SDK2: variants seen among roughly 807,000 people sequenced by gnomAD.
SDK2 encodes the protein protein sidekick-2.
SDK2 carries 105 observed loss-of-function variants against 253.9 expected under a neutral mutation model. The ratio of observed to expected loss-of-function variants is 0.41; its 90% CI spans 0.35 to 0.49. SDK2 has a LOEUF of 0.49. Among genes scored for constraint, SDK2 ranks in the 20% least tolerant of loss-of-function variants. The pLI, the probability that SDK2 is intolerant of heterozygous loss-of-function variation, is 0.06. For missense variants in SDK2, 2,608 were observed against 3,003.0 expected, an observed-to-expected ratio of 0.87 and a Z score of 3.07; for synonymous variants, 1,249 against 1,234.9, an observed-to-expected ratio of 1.01 and a Z score of -0.24.
chr17:73,546,351 C>T lies in SDK2; in HGVS notation c.65-38754G>A, dbSNP rs909879348. On this transcript the variant is annotated intron_variant, in intron 1 of 44. Transcript: ENST00000392650. ...TGGCGGCCAGTGGTGGTTTAATAGG[C>T]ACTTTTGCTCTGAAATGATACCTGG... is the stretch of plus-strand genomic sequence containing the variant. Among the ~76,000 whole-genome samples, 4 of 152,226 alleles carry T rather than the reference C, an allele frequency of 2.6e-5. 1 individual carries two copies. Among genetic ancestry groups the T allele is most frequent in the Admixed American group, 2.0e-4 (3 of 15,288 alleles).
chr17:73,407,770 T>G (rs2063091082), intron 18 of SDK2, among the ~76,000 whole-genome samples: 1 of 152,110 alleles, frequency 6.6e-6, no homozygotes, highest in Non-Finnish European at 1.5e-5. Context: ...ATTTGGTAAG[T>G]AAGGAAAAAT....
rs564689346 is a variant in SDK2, at chr17:73,412,781, G to A, written c.2484+1863C>T. 7.2e-5 allele frequency among the ~76,000 whole-genome samples: 11 copies of A among 152,228 alleles called. No individual in the cohort carries two copies. The South Asian group carries it at 2.3e-3, about 32-fold the overall frequency. Reference sequence around the variant, plus strand: ...AAATACAAAAAAATTAGCCAGACATGGTGGCACATGCCTACAGTCCCAGCT... The same window carrying A: ...AAATACAAAAAAATTAGCCAGACATAGTGGCACATGCCTACAGTCCCAGCT... On this transcript the variant is annotated intron_variant, in intron 18 of 44. Transcript: ENST00000392650.
At chr17:73,462,014 T>C (rs2063565920) in intron 3 of SDK2, among the ~76,000 whole-genome samples, 1 of 151,756 alleles carries the variant, frequency 6.6e-6, no homozygotes, top group South Asian at 2.1e-4. Context: ...TGGTTGCATG[T>C]ATGTATGCAT....
In SDK2 at chr17:73,637,650, C is replaced by T. The variant is rs150504005; in HGVS notation, c.64+6375G>A. On this transcript the variant is annotated intron_variant, in intron 1 of 44. Transcript: ENST00000392650. The stretch of plus-strand genomic sequence containing the variant: ...TCGGCCTCCCAAAGTGCTGGGATTA[C>T]AGGCATGAGCCACCGCGCCTGGAGG... Among the ~76,000 whole-genome samples, 3 of 152,348 alleles carry T rather than the reference C, an allele frequency of 2.0e-5. No individual in the cohort carries two copies. The East Asian group carries it at 5.8e-4, about 29-fold the overall frequency.
In SDK2 at chr17:73,635,360, G is replaced by A. The variant is rs548282723; in HGVS notation, c.64+8665C>T. On this transcript the variant is annotated intron_variant, in intron 1 of 44. Coordinates refer to ENST00000392650, the MANE Select transcript of SDK2 (RefSeq NM_001144952.2). ...TGCCACTTTCTGCACTGGCTCTCAC[G>A]GCTCGAAGCAGCAAATGAAGCATCA... Among the ~76,000 whole-genome samples the A allele has an allele frequency of 2.9e-4, 44 of 152,200 alleles. No homozygotes were observed. The East Asian group carries it at 7.1e-3, about 25-fold the overall frequency.
Position 73,483,675 on chromosome 17 carries a change from ATATATATT to A in SDK2, c.225-11465_225-11458del, listed in dbSNP as rs1212788684. On this transcript the variant is annotated intron_variant, in intron 2 of 44. Transcript: ENST00000392650. ...TGTGTGTGTGTGTATATATATATATATATATATTTATATATATATATATATATATATAT... is the reference window on the plus strand; with the variant it reads ...TGTGTGTGTGTGTATATATATATATATATATATATATATATATATATATAT... Among the ~76,000 whole-genome samples the A allele has an allele frequency of 5.4e-3, 372 of 68,994 alleles. 20 individuals carry two copies. The highest frequency in any genetic ancestry group is 0.019 in the Admixed American group (102 of 5,484). The allele number at this position is 68,994 out of a possible 152,430, so 45.3% of individuals were successfully genotyped here.
In SDK2 at chr17:73,406,530, G is replaced by A. The variant is rs1038563541; in HGVS notation, c.2485-4389C>T. ...CTTCCAAAGTGTTGGAATTACAGGC[G>A]TGAGCCACCGCGCCTGGCCTGTACT... On this transcript the variant is annotated intron_variant, in intron 18 of 44. Coordinates refer to ENST00000392650, the MANE Select transcript of SDK2 (RefSeq NM_001144952.2). Among the ~76,000 whole-genome samples, 11 of 151,696 alleles carry A rather than the reference G, an allele frequency of 7.3e-5. No homozygotes were observed. The East Asian group carries it at 1.2e-3, about 16-fold the overall frequency.
chr17:73,374,688 G>A (rs900673730), intron 36 of SDK2, among the ~76,000 whole-genome samples: 6 of 150,510 alleles, frequency 4.0e-5, no homozygotes, highest in South Asian at 4.3e-4. Context: ...GGCTGGTCTC[G>A]AACTCCTGAC....
At chr17:73,635,226 G>A (rs1253819842) in intron 1 of SDK2, among the ~76,000 whole-genome samples, 1 of 152,074 alleles carries the variant, frequency 6.6e-6, no homozygotes, top group African/African-American at 2.4e-5. Flanking sequence ...GTCCTCAAGT[G>A]ATCCGCCTGC....
Position 73,449,696 on chromosome 17 carries a change from G to A in SDK2, c.480-1948C>T, listed in dbSNP as rs138421313. ...AGCATTTTGGGAGGCTGAAGTAGGTGGATCACCTGAGGTCGGGGGTTCGAG... is the reference window on the plus strand; with the variant it reads ...AGCATTTTGGGAGGCTGAAGTAGGTAGATCACCTGAGGTCGGGGGTTCGAG... On this transcript the variant is annotated intron_variant, in intron 4 of 44. Transcript: ENST00000392650. Among the ~76,000 whole-genome samples, 538 of 149,310 alleles carry A rather than the reference G, an allele frequency of 3.6e-3. 4 individuals carry two copies. Among genetic ancestry groups the A allele is most frequent in the Admixed American group, 5.4e-3 (80 of 14,828 alleles).
In SDK2 at chr17:73,412,191, C is replaced by T. The variant is rs543483389; in HGVS notation, c.2484+2453G>A. 8.6e-4 allele frequency among the ~76,000 whole-genome samples: 127 copies of T among 146,988 alleles called. 1 individual carries two copies. The highest frequency in any genetic ancestry group is 2.8e-3 in the African/African-American group (111 of 39,630). On this transcript the variant is annotated intron_variant, in intron 18 of 44. Coordinates refer to ENST00000392650, the MANE Select transcript of SDK2 (RefSeq NM_001144952.2). ...ATACACATATATGTATATGCACATA[C>T]ACACATATACATATATGTATATGCA...
intron 1 of SDK2, among the ~76,000 whole-genome samples, chr17:73,613,637 C>CA (rs1193154646): frequency 2.6e-5 from 3 of 113,628 alleles, no homozygotes; most frequent in Non-Finnish European, 5.0e-5. Context: ...GCTCATCCAT[C>CA]AGTCTTGCTG....
chr17:73,370,929 T>C (rs560592604), intron 36 of SDK2, among the ~76,000 whole-genome samples: 2 of 151,844 alleles, frequency 1.3e-5, no homozygotes, highest in African/African-American at 4.8e-5. Context: ...CCAGGAGTGG[T>C]GGTGTGCACC....
chr17:73,643,951 G>A lies in SDK2; in HGVS notation c.64+74C>T. The A allele has an allele frequency of 8.9e-7, 1 of 1,125,010 alleles. No homozygotes were observed. The highest frequency in any genetic ancestry group is 1.3e-6 in the Non-Finnish European group (1 of 768,002). 69.7% of individuals were successfully genotyped at this position (1,125,010 alleles called of 1,614,324 possible). ...TGTCCAGGAGGTCACCGTGAGGCCG[G>A]CCAGCTCCCGCCGCCCCTCCCCCGC... On this transcript the variant is annotated intron_variant, in intron 1 of 44. Transcript: ENST00000392650. This position sits in a 1 kb window ranked among gnomAD's most constrained non-coding sequence, Gnocchi z 6.9.
chr17:73,625,063 G>C (rs2046184000), intron 1 of SDK2, among the ~76,000 whole-genome samples: 1 of 152,192 alleles, frequency 6.6e-6, no homozygotes, highest in Non-Finnish European at 1.5e-5. Context: ...AGCTTGCCGA[G>C]GTCCCATAAC....
intron 1 of SDK2, among the ~76,000 whole-genome samples, chr17:73,543,945 C>A (rs1188246593): frequency 6.6e-6 from 1 of 152,180 alleles, no homozygotes; most frequent in Admixed American, 6.5e-5. Context: ...AAACTGCAGG[C>A]AGAGGGACAT....
chr17:73,592,034 T>C (rs1038217544), intron 1 of SDK2, among the ~76,000 whole-genome samples: 2 of 151,852 alleles, frequency 1.3e-5, no homozygotes, highest in South Asian at 2.1e-4. Context: ...GAGGGGGGAG[T>C]TGATCTCTGC....
At position 73,379,613 on chromosome 17, in the gene SDK2, C is replaced by T. The variant is rs1030286588; in HGVS notation, c.4763-64G>A. 3.9e-6 allele frequency: 4 copies of T among 1,014,476 alleles called. No homozygotes were observed. The highest frequency in any genetic ancestry group is 4.1e-5 in the Admixed American group (2 of 48,778). The allele number at this position is 1,014,476 out of a possible 1,614,324, so 62.8% of individuals were successfully genotyped here. A position where few individuals can be genotyped will look rare whatever the true frequency, so the allele number is the denominator to read the frequency against. On this transcript the variant is annotated intron_variant, in intron 34 of 44. Transcript: ENST00000392650. This position sits in a 1 kb window ranked among gnomAD's most constrained non-coding sequence, Gnocchi z 4.5. ...CACCGTCATTGCTGGGAAGGTGTCCCCAGGGAGGGTGGAGGCTGCAGGGGG... is the reference window on the plus strand; with the variant it reads ...CACCGTCATTGCTGGGAAGGTGTCCTCAGGGAGGGTGGAGGCTGCAGGGGG...
chr17:73,347,557 C>T (rs1163500151), intron 44 of SDK2, among the ~76,000 whole-genome samples: 1 of 152,216 alleles, frequency 6.6e-6, no homozygotes, highest in Non-Finnish European at 1.5e-5. Flanking sequence ...ACGGGGCCCA[C>T]AGCGTGATCC....
Sources: allele counts gnomAD v4.1 joint callset (sites outside exome capture counted in the v4.1 genomes callset), GRCh38; gene constraint gnomAD v4.1.1; non-coding constraint Gnocchi (gnomAD v3.1); transcripts MANE v1.5; gene names NCBI Gene and HGNC (gene_info 2026-07-23, HGNC 2026-07-21).